NAA15: variants seen among roughly 807,000 people sequenced by gnomAD.
NAA15 encodes the protein N-alpha-acetyltransferase 15, NatA auxiliary subunit.
NAA15 carries 34 observed loss-of-function variants against 114.0 expected under a neutral mutation model. The observed-to-expected ratio is 0.30, with a 90% confidence interval of 0.23 to 0.40. NAA15 has a LOEUF of 0.40. Among genes scored for constraint, NAA15 ranks in the 10% least tolerant of loss-of-function variants. The probability of loss-of-function intolerance (pLI) is 1.00; values close to 1 mark genes in which losing one functional copy is unlikely to be tolerated. For synonymous variants in NAA15, 340 were observed against 338.0 expected, an observed-to-expected ratio of 1.01 and a Z score of -0.06; for missense variants, 658 against 1,004.5, an observed-to-expected ratio of 0.66 and a Z score of 4.66.
chr4:139,307,305 A>G (rs948676363), intron 1 of NAA15, among the ~76,000 whole-genome samples: 15 of 152,190 alleles, frequency 9.9e-5, no homozygotes, highest in Admixed American at 7.2e-4. Context: ...GTCTAACTCT[A>G]TCACACAGTC....
intron 1 of NAA15, among the ~76,000 whole-genome samples, chr4:139,328,514 A>G (rs1012274869): frequency 1.3e-5 from 2 of 148,172 alleles, no homozygotes; most frequent in Non-Finnish European, 3.0e-5. Flanking sequence ...GGCTGGTTTC[A>G]TGTTAAATTC....
chr4:139,374,419 G>A (rs1748526770), intron 15 of NAA15, among the ~76,000 whole-genome samples: 1 of 152,112 alleles, frequency 6.6e-6, no homozygotes, highest in African/African-American at 2.4e-5. Context: ...AGTATGAGAT[G>A]GGAGGCATGA....
chr4:139,340,329 G>A lies in NAA15; in HGVS notation c.245-583G>A, dbSNP rs997970444. Among the ~76,000 whole-genome samples the A allele has an allele frequency of 4.6e-5, 7 of 152,100 alleles. No homozygotes were observed. In the East Asian group the frequency reaches 1.4e-3, roughly 29 times the overall value. ...AGAGCAATACCTGTCTCAAAAAAAG[G>A]GAAAGAAGTTTTAATAATTACGGTT... On this transcript the variant is annotated intron_variant, in intron 3 of 19. Transcript: ENST00000296543.
intron 6 of NAA15, among the ~76,000 whole-genome samples, chr4:139,345,497 A>T (rs1747549912): frequency 6.6e-6 from 1 of 152,192 alleles, no homozygotes; most frequent in African/African-American, 2.4e-5. Context: ...GCAGATAGGT[A>T]AAGTTAGATA....
chr4:139,354,022 C>G lies in NAA15; in HGVS notation c.1015-4C>G. On this transcript the variant is annotated splice_region_variant and splice_polypyrimidine_tract_variant and intron_variant, in intron 9 of 19. Coordinates refer to ENST00000296543, the MANE Select transcript of NAA15 (RefSeq NM_057175.5). ...TAAAGTGTGTTTGTGTGTTTGTACT[C>G]TAGGTGGCAATCATAGAAGAGTTAG... 1 of 1,610,946 alleles carries G rather than the reference C, an allele frequency of 6.2e-7. No individual in the cohort carries two copies. The highest frequency in any genetic ancestry group is 8.5e-7 in the Non-Finnish European group (1 of 1,178,144).
At position 139,357,564 on chromosome 4, in the gene NAA15, C is replaced by A; in HGVS notation, c.1257+9C>A. 3 of 1,556,782 alleles carry A rather than the reference C, an allele frequency of 1.9e-6. No individual in the cohort carries two copies. Among genetic ancestry groups the A allele is most frequent in the Non-Finnish European group, 1.8e-6 (2 of 1,139,240 alleles). ...AAGCTAAAATCTATAAGGTAAAAAT[C>A]TTTTTTTCTATTTTCTTATAAGGTA... On this transcript the variant is annotated intron_variant, in intron 11 of 19. Transcript: ENST00000296543.
intron 1 of NAA15, among the ~76,000 whole-genome samples, chr4:139,329,866 T>G (rs1380740269): frequency 6.6e-6 from 1 of 152,174 alleles, no homozygotes; most frequent in Admixed American, 6.5e-5. Flanking sequence ...GTTAACTCTG[T>G]GGACTCCTGT....
At chr4:139,368,085 T>G (rs1388522535) in intron 14 of NAA15, among the ~76,000 whole-genome samples, 1 of 151,978 alleles carries the variant, frequency 6.6e-6, no homozygotes, top group Admixed American at 6.6e-5. Flanking sequence ...TTCCCACATT[T>G]TAGGTTTTTG....
At chr4:139,374,930 T>G (rs2110986907) in intron 15 of NAA15, among the ~76,000 whole-genome samples, 1 of 152,324 alleles carries the variant, frequency 6.6e-6, no homozygotes, top group South Asian at 2.1e-4. Context: ...TAAATACTTG[T>G]ATTGATTTAC....
chr4:139,346,672 C>T (rs1056984697), intron 6 of NAA15, among the ~76,000 whole-genome samples: 17 of 152,168 alleles, frequency 1.1e-4, no homozygotes, highest in South Asian at 2.1e-4. Context: ...CTCAGCCTCC[C>T]GAGTAGTGGG....
intron 16 of NAA15, among the ~76,000 whole-genome samples, chr4:139,376,698 G>C (rs1483950112): frequency 6.6e-6 from 1 of 152,162 alleles, no homozygotes; most frequent in Admixed American, 6.5e-5. Flanking sequence ...ACATAACTAG[G>C]ATTCAGGTCA....
Position 139,344,311 on chromosome 4 carries a change from T to G in NAA15, c.663T>G (p.Cys221Trp). The G allele has an allele frequency of 6.2e-7, 1 of 1,610,434 alleles. No individual in the cohort carries two copies. Among genetic ancestry groups the G allele is most frequent in the Non-Finnish European group, 8.5e-7 (1 of 1,178,608 alleles). Residue 221 changes from cysteine (C) to tryptophan (W), a missense_variant, in exon 6 of 20, where the codon TGT (cysteine) becomes TGG (tryptophan). Cys to Trp is a radical substitution (Grantham distance 215). Coordinates refer to ENST00000296543, the MANE Select transcript of NAA15 (RefSeq NM_057175.5). ...TTTGTACCTATGAAAAGCAGATTTG[T>G]GATAAACTTGCTGTAGAAGAAACCA... ...EHLCTYEKQICDKLAVEETKG... is the reference protein window; with the variant it reads ...EHLCTYEKQIWDKLAVEETKG...
At chr4:139,327,991 G>A (rs1746858675) in intron 1 of NAA15, among the ~76,000 whole-genome samples, 1 of 152,078 alleles carries the variant, frequency 6.6e-6, no homozygotes, top group African/African-American at 2.4e-5. Flanking sequence ...GATCTGCAGT[G>A]TTTTTAGATG....
chr4:139,366,129 A>G (rs1455705617), intron 14 of NAA15, among the ~76,000 whole-genome samples: 1 of 152,040 alleles, frequency 6.6e-6, no homozygotes, highest in Admixed American at 6.6e-5. Context: ...CTATTGCTGC[A>G]TCATAAATTA....
At position 139,359,895 on chromosome 4, in the gene NAA15, G is replaced by A. The variant is rs1748078418; in HGVS notation, c.1410G>A (p.Arg470=). 6.3e-7 allele frequency: 1 copy of A among 1,581,404 alleles called. No homozygotes were observed. Among genetic ancestry groups the A allele is most frequent in the African/African-American group, 1.4e-5 (1 of 72,612 alleles). Residue 470 remains arginine (R), a splice_region_variant and synonymous_variant, in exon 12 of 20, where the codon AGG becomes AGA. Transcript: ENST00000296543. ...AAGAAATGTGCTCAAAGTTTACAAGGGTTTGTACAGCTAGTGTTCTTAATT... is the reference window on the plus strand; with the variant it reads ...AAGAAATGTGCTCAAAGTTTACAAGAGTTTGTACAGCTAGTGTTCTTAATT... ...EAEEMCSKFT[R]EGTSAVENLN...
chr4:139,324,567 G>A (rs891172225), intron 1 of NAA15, among the ~76,000 whole-genome samples: 1 of 152,316 alleles, frequency 6.6e-6, no homozygotes, highest in East Asian at 1.9e-4. Flanking sequence ...TAAAACATAT[G>A]TTGAAAGTAT....
At position 139,306,597 on chromosome 4, in the gene NAA15, G is replaced by GT. The variant is rs777081197; in HGVS notation, c.54+4776dup. Reference sequence around the variant, plus strand: ...AGCTGGTTTTTTTTTTTTTGGTCTGGTTTTTTTTTTGTTTTGTTTTGTTTT... The same window carrying GT: ...AGCTGGTTTTTTTTTTTTTGGTCTGGTTTTTTTTTTTGTTTTGTTTTGTTTT... On this transcript the variant is annotated intron_variant, in intron 1 of 19. Coordinates refer to ENST00000296543, the MANE Select transcript of NAA15 (RefSeq NM_057175.5). Among the ~76,000 whole-genome samples, 853 of 149,540 alleles carry GT rather than the reference G, an allele frequency of 5.7e-3. 7 individuals are homozygous for GT. Among genetic ancestry groups the GT allele is most frequent in the African/African-American group, 0.018 (732 of 40,794 alleles).
intron 2 of NAA15, among the ~76,000 whole-genome samples, chr4:139,335,204 ATCTC>A (rs746375014): frequency 2.6e-5 from 4 of 152,152 alleles, no homozygotes; most frequent in African/African-American, 9.7e-5. Context: ...AAATAAATTT[ATCTC>A]TCTTTTTCCA....
chr4:139,320,509 G>GT (rs1403878042), intron 1 of NAA15, among the ~76,000 whole-genome samples: 6 of 151,970 alleles, frequency 3.9e-5, no homozygotes, highest in African/African-American at 9.7e-5. Flanking sequence ...GTTTCCCCGG[G>GT]TTTTTTATTT....
Sources: gnomAD v4.1 joint callset for allele counts (sites outside exome capture counted in the v4.1 genomes callset) on GRCh38, gnomAD v4.1.1 for gene constraint, MANE v1.5 for transcripts, NCBI Gene and HGNC (gene_info 2026-07-23, HGNC 2026-07-21) for gene names.